The following ATP2C1 variants were observed in gnomAD, a reference collection of about 807,000 sequenced individuals.
The protein encoded by ATP2C1 is calcium-transporting ATPase type 2C member 1.
ATP2C1 carries 31 observed loss-of-function variants against 120.5 expected under a neutral mutation model. The ratio of observed to expected loss-of-function variants is 0.26; its 90% CI spans 0.19 to 0.35. ATP2C1 has a LOEUF of 0.35. ATP2C1 is among the 10% of genes least tolerant of loss of function. The probability of loss-of-function intolerance (pLI) is 1.00; values close to 1 mark genes in which losing one functional copy is unlikely to be tolerated. For missense variants in ATP2C1, 731 were observed against 1,107.5 expected (o/e 0.66, Z 4.83); for synonymous variants, 351 against 358.7 (o/e 0.98, Z 0.24).
intron 26 of ATP2C1, among the ~76,000 whole-genome samples, chr3:131,009,747 G>A (rs1312556982): frequency 1.3e-5 from 2 of 152,140 alleles, no homozygotes; most frequent in African/African-American, 4.8e-5. Context: ...GCTGAAAGTG[G>A]GGTGTAATGT....
intron 5 of ATP2C1, among the ~76,000 whole-genome samples, chr3:130,936,539 A>T (rs961526176): frequency 1.2e-4 from 19 of 152,078 alleles, no homozygotes; most frequent in Non-Finnish European, 8.8e-5. Flanking sequence ...TAGGCTGGGC[A>T]TGGTGGCTCA....
intron 25 of ATP2C1, 125 bp from the exon 26 acceptor site, chr3:130,998,169 T>A: frequency 1.4e-6 from 1 of 727,036 alleles, no homozygotes; most frequent in Non-Finnish European, 2.4e-6. Context: ...AGCTTTTATG[T>A]TTCATGTGTT....
chr3:130,915,143 G>A (rs935867271), intron 2 of ATP2C1, among the ~76,000 whole-genome samples: 15 of 151,958 alleles, frequency 9.9e-5, no homozygotes, highest in African/African-American at 3.6e-4. Context: ...GCCCAGGCTG[G>A]AGTGCAATGG....
Position 130,995,945 on chromosome 3 carries a change from G to A in ATP2C1, c.2058-98G>A, listed in dbSNP as rs985555618. 66 of 884,646 alleles carry A rather than the reference G, an allele frequency of 7.5e-5. No homozygotes were observed. In the South Asian group the frequency reaches 8.4e-4, roughly 11 times the overall value. The allele number at this position is 884,646 out of a possible 1,614,324, so 54.8% of individuals were successfully genotyped here. ...CAGGCATGAGCCACAGTGCCCGGTT[G>A]GAAATTTATTTTCAAAATTAGCTCT... is the stretch of plus-strand genomic sequence containing the variant. On this transcript the variant is annotated intron_variant, in intron 22 of 27. Coordinates refer to ENST00000510168, the MANE Select transcript of ATP2C1 (RefSeq NM_001378687.1).
At chr3:130,895,371 TCACTGTA>T (rs1451173057) in intron 2 of ATP2C1, among the ~76,000 whole-genome samples, 1 of 152,246 alleles carries the variant, frequency 6.6e-6, no homozygotes, top group African/African-American at 2.4e-5. Flanking sequence ...ACCTGTTTGT[TCACTGTA>T]CACTTTGGAC....
At chr3:130,918,162 T>G (rs2058769072) in intron 2 of ATP2C1, 3 of 966,106 alleles carry the variant, frequency 3.1e-6, no homozygotes, top group Non-Finnish European at 5.0e-6. Context: ...AAAGATTATC[T>G]GTGCCTAGAT....
chr3:130,889,638 CTTTT>C (rs1170424148), upstream of ATP2C1, among the ~76,000 whole-genome samples: 39 of 77,650 alleles, frequency 5.0e-4, no homozygotes, highest in Non-Finnish European at 7.3e-4. Flanking sequence ...ATTCTTTAAA[CTTTT>C]TTTTTTTTTT....
At chr3:130,920,798 C>T (rs1467402245) in intron 2 of ATP2C1, among the ~76,000 whole-genome samples, 1 of 151,968 alleles carries the variant, frequency 6.6e-6, no homozygotes, top group East Asian at 1.9e-4. Flanking sequence ...TAAGTCTTAA[C>T]AAAACGTGAG....
At chr3:130,860,781 T>C (rs1408026649) in intron 1 of ATP2C1, among the ~76,000 whole-genome samples, 1 of 152,238 alleles carries the variant, frequency 6.6e-6, no homozygotes, top group Admixed American at 6.5e-5. Context: ...TCCTTCCTTT[T>C]TTCCTTGACC....
At chr3:130,962,049 A>G (rs2060844672) in intron 12 of ATP2C1, among the ~76,000 whole-genome samples, 1 of 152,080 alleles carries the variant, frequency 6.6e-6, no homozygotes, top group Non-Finnish European at 1.5e-5. Flanking sequence ...AGTAGTTTTC[A>G]GCAAGAATCT....
chr3:130,934,544 T>G, intron 4 of ATP2C1, 78 bp from the exon 5 acceptor site: 2 of 913,352 alleles, frequency 2.2e-6, no homozygotes, highest in Middle Eastern at 2.2e-4. Context: ...CTCTTATGGT[T>G]TTTTTTTTTT....
chr3:130,996,987 G>A (rs1248796376), intron 24 of ATP2C1, among the ~76,000 whole-genome samples, 191 bp downstream of exon 24: 1 of 151,010 alleles, frequency 6.6e-6, no homozygotes, highest in Non-Finnish European at 1.5e-5. Flanking sequence ...GTAGATCTGA[G>A]CCTTTCCACT....
intron 18 of ATP2C1, 76 bp downstream of exon 18, chr3:130,975,564 A>G (rs1251566867): frequency 1.3e-6 from 2 of 1,487,322 alleles, no homozygotes; most frequent in African/African-American, 2.8e-5. Flanking sequence ...TTCATGCTTC[A>G]CATTTGAGCT....
At position 130,972,525 on chromosome 3, in the gene ATP2C1, C is replaced by G. The variant is rs72628535; in HGVS notation, c.1414-2807C>G. ...TTTAGGGTACATGTGCACAATGTGCCGGTTAGTTACATATGTATACATGTG... is the reference window on the plus strand; with the variant it reads ...TTTAGGGTACATGTGCACAATGTGCGGGTTAGTTACATATGTATACATGTG... On this transcript the variant is annotated intron_variant, in intron 17 of 27. Transcript: ENST00000510168. 0.012 allele frequency among the ~76,000 whole-genome samples: 1,766 copies of G among 150,162 alleles called. 133 individuals carry two copies. The East Asian group carries it at 0.22, about 18-fold the overall frequency.
At chr3:130,995,676 T>C (rs959864080) in intron 22 of ATP2C1, among the ~76,000 whole-genome samples, 1 of 152,244 alleles carries the variant, frequency 6.6e-6, no homozygotes, top group African/African-American at 2.4e-5. Context: ...AGTCTCACTT[T>C]GTTGCCAAGG....
rs1038750798 is a variant in ATP2C1, at chr3:130,993,839, G to GA, written c.1891-86dup. 6.7e-5 allele frequency: 88 copies of GA among 1,303,718 alleles called. 2 individuals carry two copies. The East Asian group carries it at 2.0e-3, about 29-fold the overall frequency. 80.8% of individuals were successfully genotyped at this position (1,303,718 alleles called of 1,614,324 possible). On this transcript the variant is annotated intron_variant, in intron 21 of 27. Coordinates refer to ENST00000510168, the MANE Select transcript of ATP2C1 (RefSeq NM_001378687.1). The stretch of plus-strand genomic sequence containing the variant: ...ATATTATTTCTAATCTTAATTATGT[G>GA]AAAAAAATAGGGAGGATTTGTTTAT...
intron 21 of ATP2C1, among the ~76,000 whole-genome samples, chr3:130,993,469 G>C (rs111667531): frequency 1.6e-3 from 243 of 152,310 alleles, no homozygotes; most frequent in Non-Finnish European, 2.9e-3. Context: ...CCATTGTGTA[G>C]TTCAGAGTTT....
chr3:130,856,450 G>A (rs2067843783), intron 1 of ATP2C1, among the ~76,000 whole-genome samples: 1 of 152,180 alleles, frequency 6.6e-6, no homozygotes, highest in South Asian at 2.1e-4. Context: ...TAGGTAAAAT[G>A]ATAGACGTTT....
chr3:130,907,926 G>T (rs2058214304), intron 2 of ATP2C1, among the ~76,000 whole-genome samples: 1 of 151,662 alleles, frequency 6.6e-6, no homozygotes, highest in Admixed American at 6.6e-5. Flanking sequence ...ACTATGTTTG[G>T]GTGTGACCTT....
Sources: gnomAD v4.1 joint callset for allele counts (sites outside exome capture counted in the v4.1 genomes callset) on GRCh38, gnomAD v4.1.1 for gene constraint, MANE v1.5 for transcripts, NCBI Gene and HGNC (gene_info 2026-07-23, HGNC 2026-07-21) for gene names.